Variants in ZBTB32 observed in about 807,000 individuals in gnomAD.
ZBTB32 encodes the protein zinc finger and BTB domain-containing protein 32.
In ZBTB32, 28 loss-of-function variants were observed where a neutral mutation model predicts 45.3. The observed-to-expected ratio is 0.62, with a 90% confidence interval of 0.46 to 0.85. The LOEUF is 0.85. Among genes scored for constraint, ZBTB32 ranks in the 40% least tolerant of loss-of-function variants. The probability of loss-of-function intolerance (pLI) is 0.00; values close to 1 mark genes in which losing one functional copy is unlikely to be tolerated. For missense variants in ZBTB32, 587 were observed against 624.4 expected (o/e 0.94, Z 0.64); for synonymous variants, 283 against 255.7 (o/e 1.11, Z -1.02).
intron 1 of ZBTB32, 131 bp downstream of exon 1, chr19:35,704,754 G>A (rs1234564225): frequency 6.6e-6 from 1 of 152,316 alleles, no homozygotes; most frequent in Admixed American, 6.5e-5. Context: ...AGCCCTTGGG[G>A]CTTTCCTCTG....
Position 35,715,520 on chromosome 19 carries a change from G to T in ZBTB32, c.881+13G>T. On this transcript the variant is annotated intron_variant, in intron 3 of 6. Coordinates refer to ENST00000392197, the MANE Select transcript of ZBTB32 (RefSeq NM_014383.3). ...GGCGGGAACAGAGGTGAGTGGCGGG[G>T]TCTAGTGCTCTGCCTCCAGGCTGGG... is the stretch of plus-strand genomic sequence containing the variant. 4 of 1,523,188 alleles carry T rather than the reference G, an allele frequency of 2.6e-6. No individual in the cohort carries two copies. The highest frequency in any genetic ancestry group is 2.6e-5 in the South Asian group (2 of 77,054). 94.4% of individuals were successfully genotyped at this position (1,523,188 alleles called of 1,614,324 possible). A position where few individuals can be genotyped will look rare whatever the true frequency, so the allele number is the denominator to read the frequency against.
At chr19:35,716,433 C>T (rs772864287) in intron 6 of ZBTB32, 45 bp from the exon 7 acceptor site, 2 of 1,586,340 alleles carry the variant, frequency 1.3e-6, no homozygotes, top group South Asian at 1.1e-5. Context: ...CAGCTTTCGC[C>T]GCCTTCTTCC....
chr19:35,712,002 G>C (rs1282963168), intron 1 of ZBTB32, among the ~76,000 whole-genome samples: 1 of 124,194 alleles, frequency 8.1e-6, no homozygotes, highest in Non-Finnish European at 1.6e-5. Context: ...TCCAGTCTGG[G>C]AGACAGAGCG....
At chr19:35,716,446 C>T in intron 6 of ZBTB32, 32 bp from the exon 7 acceptor site, 5 of 1,590,214 alleles carry the variant, frequency 3.1e-6, no homozygotes, top group Non-Finnish European at 4.3e-6. Flanking sequence ...CTTCTTCCTT[C>T]CTTCACCGGC....
intron 1 of ZBTB32, among the ~76,000 whole-genome samples, chr19:35,705,920 A>AT (rs1218830252): frequency 7.0e-6 from 1 of 142,134 alleles, no homozygotes; most frequent in African/African-American, 2.7e-5. Context: ...CAAAAAAAAA[A>AT]AATTAATTAA....
intron 1 of ZBTB32, among the ~76,000 whole-genome samples, chr19:35,712,712 G>A (rs891365664): frequency 6.6e-6 from 1 of 152,084 alleles, no homozygotes. Flanking sequence ...TTTTCTCTTC[G>A]AAGACCACCA....
At chr19:35,713,630 C>CT (rs1261981203) in intron 2 of ZBTB32, 1 of 152,326 alleles carries the variant, frequency 6.6e-6, no homozygotes, top group East Asian at 1.9e-4. Context: ...TGCTAAGACA[C>CT]TGAGGTTCTG....
chr19:35,708,824 T>C (rs1387644249), intron 1 of ZBTB32, among the ~76,000 whole-genome samples: 2 of 148,238 alleles, frequency 1.3e-5, no homozygotes, highest in Admixed American at 6.7e-5. Flanking sequence ...TCTTTTTTCT[T>C]TTTTTTTTTT....
At chr19:35,711,940 G>A (rs1168633276) in intron 1 of ZBTB32, among the ~76,000 whole-genome samples, 3 of 143,162 alleles carry the variant, frequency 2.1e-5, no homozygotes, top group African/African-American at 2.6e-5. Context: ...CAGGAGAATC[G>A]CTTGAACCTG....
intron 1 of ZBTB32, among the ~76,000 whole-genome samples, chr19:35,707,993 G>T (rs1968591928): frequency 6.8e-6 from 1 of 147,296 alleles, no homozygotes; most frequent in South Asian, 2.1e-4. Context: ...ATAAAAAGAA[G>T]AGTTAGTCCC....
At position 35,715,369 on chromosome 19, in the gene ZBTB32, C is replaced by G. The variant is rs2234367; in HGVS notation, c.743C>G (p.Ser248Trp). The change falls in exon 3 of 7, where the codon TCG becomes TGG. Residue 248 changes from serine to tryptophan, a missense_variant. Coordinates refer to ENST00000392197, the MANE Select transcript of ZBTB32 (RefSeq NM_014383.3). The part of the protein sequence containing the change: ...SLQTSVTPRP[S>W]WAEAPWLVGG... Reference sequence around the variant, plus strand: ...CAAACCAGCGTCACCCCTAGGCCCTCGTGGGCTGAGGCCCCTTGGTTGGTG... The same window carrying G: ...CAAACCAGCGTCACCCCTAGGCCCTGGTGGGCTGAGGCCCCTTGGTTGGTG... 6.2e-7 allele frequency: 1 copy of G among 1,611,994 alleles called. No homozygotes were observed. Among genetic ancestry groups the G allele is most frequent in the Non-Finnish European group, 8.5e-7 (1 of 1,179,342 alleles).
In ZBTB32 at chr19:35,716,285, C is replaced by T; in HGVS notation, c.1177C>T (p.Arg393Ter). The change falls in exon 6 of 7, where the codon CGA (arginine) becomes TGA (stop). Residue 393 changes from arginine (R) to a stop codon, truncating the protein, a stop_gained. Transcript: ENST00000392197. LOFTEE classifies it high-confidence loss of function. The stretch of plus-strand genomic sequence containing the variant: ...CAAGCATCAGATGGAGACGCACTAC[C>T]GAGTCCACACAGGTATGGGCGCCCT... ...SLKHQMETHY[R>*]VHTGEKPFSC... The T allele has an allele frequency of 6.2e-7, 1 of 1,613,002 alleles. No homozygotes were observed. The highest frequency in any genetic ancestry group is 8.5e-7 in the Non-Finnish European group (1 of 1,179,722).
At chr19:35,708,118 C>T (rs231588) in intron 1 of ZBTB32, among the ~76,000 whole-genome samples, 87,260 of 151,956 alleles carry the variant, frequency 0.57, 26,782 homozygotes, top group African/African-American at 0.8. Context: ...ACTCCCTCGT[C>T]TCTTCCCATG....
rs1270282885 is a variant in ZBTB32, at chr19:35,715,202, G to A, written c.576G>A (p.Lys192=). 2 of 1,609,496 alleles carry A rather than the reference G, an allele frequency of 1.2e-6. No individual in the cohort carries two copies. Among genetic ancestry groups the A allele is most frequent in the East Asian group, 2.2e-5 (1 of 44,862 alleles). Reference sequence around the variant, plus strand: ...CTCAGCAGGAACAGACCAGGTCAAAGGAGAAACGCCTCCAAGCCCCTGTTG... The same window carrying A: ...CTCAGCAGGAACAGACCAGGTCAAAAGAGAAACGCCTCCAAGCCCCTGTTG... ...QEAQQEQTRS[K]EKRLQAPVGQ... The change falls in exon 3 of 7, where the codon AAG becomes AAA. Residue 192 remains lysine, a synonymous_variant. Transcript: ENST00000392197.
intron 1 of ZBTB32, among the ~76,000 whole-genome samples, chr19:35,704,978 C>G (rs1366696421): frequency 6.6e-6 from 1 of 152,172 alleles, no homozygotes; most frequent in Non-Finnish European, 1.5e-5. Context: ...AGCCTGGATC[C>G]GGTGACTGAA....
At position 35,716,583 on chromosome 19, in the gene ZBTB32, T is replaced by C; in HGVS notation, c.1295T>C (p.Leu432Pro). Residue 432 changes from leucine (L) to proline (P), a missense_variant, in exon 7 of 7, where the codon CTG becomes CCG. Transcript: ENST00000392197. The stretch of plus-strand genomic sequence containing the variant: ...GGGGCCGCTCCGTACCGCTGCTCCC[T>C]GTGCGGGGCCGGCTGTCCCAGCCTG... ...THGAAPYRCSLCGAGCPSLAS... is the reference protein window; with the variant it reads ...THGAAPYRCSPCGAGCPSLAS... The C allele has an allele frequency of 6.2e-7, 1 of 1,613,256 alleles. No homozygotes were observed. Among genetic ancestry groups the C allele is most frequent in the Non-Finnish European group, 8.5e-7 (1 of 1,179,924 alleles).
At position 35,715,257 on chromosome 19, in the gene ZBTB32, G is replaced by T. The variant is rs202006649; in HGVS notation, c.631G>T (p.Val211Leu). 228 of 1,590,742 alleles carry T rather than the reference G, an allele frequency of 1.4e-4. No individual in the cohort carries two copies. Among genetic ancestry groups the T allele is most frequent in the Non-Finnish European group, 1.9e-4 (217 of 1,170,240 alleles). ...GQRGADGKHG[V>L]LTWLRENPGG... ...AAGGGGAGCAGATGGGAAGCATGGAGTGCTCACGTGGTTGAGGGAAAATCC... is the reference window on the plus strand; with the variant it reads ...AAGGGGAGCAGATGGGAAGCATGGATTGCTCACGTGGTTGAGGGAAAATCC... The change falls in exon 3 of 7, where the codon GTG (valine) becomes TTG (leucine). Residue 211 changes from valine (V) to leucine (L), a missense_variant. Val to Leu is a conservative substitution (Grantham distance 32). Transcript: ENST00000392197.
intron 1 of ZBTB32, among the ~76,000 whole-genome samples, chr19:35,705,400 C>T (rs1380240871): frequency 1.3e-5 from 2 of 152,032 alleles, no homozygotes; most frequent in African/African-American, 2.4e-5. Flanking sequence ...TGAAGGTTTC[C>T]TGGGGTCTTT....
At position 35,714,479 on chromosome 19, in the gene ZBTB32, G is replaced by A. The variant is rs116102588; in HGVS notation, c.-104-44G>A. The A allele has an allele frequency of 9.7e-4, 844 of 865,752 alleles. 11 individuals are homozygous for A. The African/African-American group carries it at 0.014, about 14-fold the overall frequency. The allele number at this position is 865,752 out of a possible 1,614,324, so 53.6% of individuals were successfully genotyped here. The stretch of plus-strand genomic sequence containing the variant: ...TTGCTCACTCAGGACAGAGGGCTCT[G>A]ATCTAGGACCAGCAACTCACACCCT... On this transcript the variant is annotated intron_variant, in intron 2 of 6. Transcript: ENST00000392197.
Sources: gnomAD v4.1 joint callset for allele counts (sites outside exome capture counted in the v4.1 genomes callset) on GRCh38, gnomAD v4.1.1 for gene constraint, MANE v1.5 for transcripts, NCBI Gene and HGNC (gene_info 2026-07-23, HGNC 2026-07-21) for gene names.